Variants in AOAH observed in about 807,000 individuals in gnomAD.
The protein encoded by AOAH is acyloxyacyl hydrolase (neutrophil).
In AOAH, 64 loss-of-function variants were observed where a neutral mutation model predicts 92.2. The observed-to-expected ratio is 0.69, with a 90% confidence interval of 0.57 to 0.86. The LOEUF (loss-of-function observed/expected upper bound fraction) is 0.86, where lower values mean the gene tolerates loss of function less well. AOAH is among the 40% of genes least tolerant of loss of function. The probability of loss-of-function intolerance (pLI) is 0.00; values close to 1 mark genes in which losing one functional copy is unlikely to be tolerated. For missense variants in AOAH, 656 were observed against 694.6 expected, an observed-to-expected ratio of 0.94 and a Z score of 0.62; for synonymous variants, 263 against 254.5, an observed-to-expected ratio of 1.03 and a Z score of -0.32.
intron 8 of AOAH, among the ~76,000 whole-genome samples, 185 bp from the exon 9 acceptor site, chr7:36,621,014 G>C (rs1266496533): frequency 2.0e-5 from 3 of 152,172 alleles, no homozygotes; most frequent in African/African-American, 4.8e-5. Flanking sequence ...CCTCCATTCA[G>C]CTTCCTTGCT....
chr7:36,672,590 G>A (rs1307250208), intron 3 of AOAH, among the ~76,000 whole-genome samples: 1 of 152,140 alleles, frequency 6.6e-6, no homozygotes, highest in African/African-American at 2.4e-5. Flanking sequence ...TGGACACAGG[G>A]AGGGGAACAT....
intron 11 of AOAH, among the ~76,000 whole-genome samples, chr7:36,609,239 C>T (rs1791238307): frequency 6.6e-6 from 1 of 152,202 alleles, no homozygotes. Context: ...TAGCTTAGCA[C>T]ACTTTTACTG....
intron 1 of AOAH, among the ~76,000 whole-genome samples, chr7:36,712,043 A>C (rs1798801301): frequency 6.6e-6 from 1 of 152,238 alleles, no homozygotes. Flanking sequence ...TATCAGCAGA[A>C]ACAGTGTCTT....
At chr7:36,541,823 G>C (rs1397647348) in intron 15 of AOAH, among the ~76,000 whole-genome samples, 1 of 152,146 alleles carries the variant, frequency 6.6e-6, no homozygotes, top group African/African-American at 2.4e-5. Flanking sequence ...CACACCTTCA[G>C]GAACACAACA....
At chr7:36,551,114 C>A (rs1786210834) in intron 13 of AOAH, among the ~76,000 whole-genome samples, 1 of 145,020 alleles carries the variant, frequency 6.9e-6, no homozygotes, top group African/African-American at 2.5e-5. Context: ...TGCTCTGTTG[C>A]CCAGGCTGGA....
At chr7:36,641,803 C>T (rs1485020570) in intron 4 of AOAH, among the ~76,000 whole-genome samples, 1 of 152,130 alleles carries the variant, frequency 6.6e-6, no homozygotes, top group East Asian at 1.9e-4. Flanking sequence ...TTTGCACCTG[C>T]CATGCTACCT....
chr7:36,695,106 T>G (rs541360911), intron 1 of AOAH, among the ~76,000 whole-genome samples: 1 of 152,236 alleles, frequency 6.6e-6, no homozygotes, highest in Non-Finnish European at 1.5e-5. Context: ...CTGTTCAAAT[T>G]TAGAAATATA....
At chr7:36,648,180 A>G (rs558433049) in intron 4 of AOAH, among the ~76,000 whole-genome samples, 1 of 152,286 alleles carries the variant, frequency 6.6e-6, no homozygotes, top group African/African-American at 2.4e-5. Context: ...AAGCCTTCAA[A>G]TATGCAGAGA....
chr7:36,605,468 T>C (rs542268860), intron 11 of AOAH, among the ~76,000 whole-genome samples: 1 of 152,310 alleles, frequency 6.6e-6, no homozygotes, highest in South Asian at 2.1e-4. Flanking sequence ...GATTGTCCTC[T>C]AGTTGCAGCA....
In AOAH at chr7:36,678,192, A is replaced by C. The variant is rs75704780; in HGVS notation, c.224-4183T>G. Among the ~76,000 whole-genome samples, 1,261 of 152,292 alleles carry C rather than the reference A, an allele frequency of 8.3e-3. 11 individuals are homozygous for C. Among genetic ancestry groups the C allele is most frequent in the Middle Eastern group, 0.02 (6 of 294 alleles). On this transcript the variant is annotated intron_variant, in intron 2 of 20. Coordinates refer to ENST00000617537, the MANE Select transcript of AOAH (RefSeq NM_001637.4). ...TAGGGGTGCTACTGTGGAGAGGGTC[A>C]AGAAGCTCTGATGTCACAGTATACT...
At chr7:36,656,883 G>C (rs1010786942) in intron 4 of AOAH, among the ~76,000 whole-genome samples, 2 of 149,078 alleles carry the variant, frequency 1.3e-5, no homozygotes, top group African/African-American at 5.0e-5. Flanking sequence ...GGTTTGGTGG[G>C]GGGTGTTGGC....
Position 36,686,797 on chromosome 7 carries a change from G to A in AOAH, c.128-3C>T, listed in dbSNP as rs546219397. On this transcript the variant is annotated splice_region_variant and splice_polypyrimidine_tract_variant and intron_variant, in intron 1 of 20. Transcript: ENST00000617537. Reference sequence around the variant, plus strand: ...TACAGACACCACCAGCACACACCCTGCCAGGGAGGAGAAGAACATGTAATC... The same window carrying A: ...TACAGACACCACCAGCACACACCCTACCAGGGAGGAGAAGAACATGTAATC... 1.3e-6 allele frequency: 2 copies of A among 1,533,340 alleles called. No individual in the cohort carries two copies. Among genetic ancestry groups the A allele is most frequent in the Non-Finnish European group, 8.8e-7 (1 of 1,140,296 alleles). The allele number at this position is 1,533,340 out of a possible 1,614,324, so 95.0% of individuals were successfully genotyped here.
At chr7:36,552,026 G>A (rs1201524539) in intron 13 of AOAH, among the ~76,000 whole-genome samples, 2 of 152,164 alleles carry the variant, frequency 1.3e-5, no homozygotes, top group Non-Finnish European at 2.9e-5. Context: ...ACTGAGCATA[G>A]CAGACCCAAT....
chr7:36,704,690 A>T (rs1798273349), intron 1 of AOAH, among the ~76,000 whole-genome samples: 1 of 152,190 alleles, frequency 6.6e-6, no homozygotes, highest in Admixed American at 6.5e-5. Context: ...GACACAACAA[A>T]AAAAGAAAAT....
intron 10 of AOAH, among the ~76,000 whole-genome samples, chr7:36,617,870 C>G (rs1792012624): frequency 6.6e-6 from 1 of 152,234 alleles, no homozygotes; most frequent in South Asian, 2.1e-4. Flanking sequence ...AGATATGCAT[C>G]TTTAGCCTAG....
intron 6 of AOAH, among the ~76,000 whole-genome samples, chr7:36,627,769 G>A (rs751541655): frequency 2.0e-5 from 3 of 152,090 alleles, no homozygotes; most frequent in African/African-American, 2.4e-5. Flanking sequence ...GGTGTCACTC[G>A]CTGCCCCTGC....
At chr7:36,595,461 A>G (rs770557072) in intron 11 of AOAH, among the ~76,000 whole-genome samples, 1 of 152,194 alleles carries the variant, frequency 6.6e-6, no homozygotes, top group Non-Finnish European at 1.5e-5. Context: ...TGAGCCCAGG[A>G]CGTCAAGGCT....
At chr7:36,713,290 T>C (rs1421195202) in intron 1 of AOAH, among the ~76,000 whole-genome samples, 1 of 139,944 alleles carries the variant, frequency 7.1e-6, no homozygotes, top group Non-Finnish European at 1.6e-5. Context: ...ATCCTAAATA[T>C]ATATGCACCC....
intron 12 of AOAH, among the ~76,000 whole-genome samples, chr7:36,590,029 A>G (rs1789632980): frequency 6.6e-6 from 1 of 151,978 alleles, no homozygotes; most frequent in African/African-American, 2.4e-5. Context: ...CAGCAATCTC[A>G]GCAATCTCAA....
Sources: allele counts gnomAD v4.1 joint callset (sites outside exome capture counted in the v4.1 genomes callset), GRCh38; gene constraint gnomAD v4.1.1; transcripts MANE v1.5; gene names NCBI Gene and HGNC (gene_info 2026-07-23, HGNC 2026-07-21).